ZNF761: variants seen among roughly 807,000 people sequenced by gnomAD.
ZNF761 encodes zinc finger protein 761.
A neutral mutation model predicts 59.9 loss-of-function variants in ZNF761; 43 were observed. That is an observed-to-expected ratio of 0.72 (90% CI 0.56 to 0.92). ZNF761 has a LOEUF of 0.92. Ranked by LOEUF, ZNF761 falls within the 40% of genes least tolerant of loss-of-function variation. The probability of loss-of-function intolerance (pLI) is 0.00; values close to 1 mark genes in which losing one functional copy is unlikely to be tolerated. For synonymous variants in ZNF761, 294 were observed against 304.8 expected, an observed-to-expected ratio of 0.96 and a Z score of 0.37; for missense variants, 850 against 906.1, an observed-to-expected ratio of 0.94 and a Z score of 0.79.
intron 4 of ZNF761, among the ~76,000 whole-genome samples, chr19:53,453,164 G>A (rs1383520059): frequency 6.6e-6 from 1 of 151,994 alleles, no homozygotes; most frequent in East Asian, 1.9e-4. Flanking sequence ...ACCACGACCA[G>A]CTAATTTTTT....
At chr19:53,432,814 AG>A (rs2147116276) in intron 1 of ZNF761, among the ~76,000 whole-genome samples, 1 of 152,240 alleles carries the variant, frequency 6.6e-6, no homozygotes, top group African/African-American at 2.4e-5. Context: ...AGAAAGCAGG[AG>A]GAGAAAAGCA....
chr19:53,437,226 A>G (rs2086052256), intron 1 of ZNF761, among the ~76,000 whole-genome samples: 3 of 152,036 alleles, frequency 2.0e-5, no homozygotes, highest in Admixed American at 1.3e-4. Flanking sequence ...GCTGAAGCAA[A>G]AGAAACACTT....
intron 1 of ZNF761, among the ~76,000 whole-genome samples, chr19:53,438,526 T>G (rs971869037): frequency 2.6e-5 from 4 of 152,220 alleles, no homozygotes; most frequent in African/African-American, 9.6e-5. Context: ...TAAAGCTTCC[T>G]TGATCTGTTT....
At chr19:53,432,464 C>T (rs1355129496) in intron 1 of ZNF761, among the ~76,000 whole-genome samples, 1 of 152,162 alleles carries the variant, frequency 6.6e-6, no homozygotes, top group Non-Finnish European at 1.5e-5. Flanking sequence ...CGCCCCTTCA[C>T]CTCCCTCCTT....
At chr19:53,435,838 G>A (rs562500404) in intron 1 of ZNF761, among the ~76,000 whole-genome samples, 2 of 152,166 alleles carry the variant, frequency 1.3e-5, no homozygotes, top group African/African-American at 4.8e-5. Context: ...TGAGCACAAC[G>A]ACAGAACAAT....
rs565994289 is a variant in ZNF761, at chr19:53,455,514, G to T, written c.1007G>T (p.Arg336Met). ...YKCNECGKTF[R>M]QKSILTRHHR... is the part of the protein sequence containing the mutation. ...TGTAATGAGTGTGGCAAGACCTTTA[G>T]GCAGAAGTCAATCCTTACACGCCAT... The change falls in exon 5 of 5, where the codon AGG becomes ATG. Residue 336 changes from arginine to methionine, a missense_variant. Arg to Met is a moderately conservative substitution (Grantham distance 91). Coordinates refer to ENST00000684525, the MANE Select transcript of ZNF761 (RefSeq NM_001289951.2). 4 of 1,612,368 alleles carry T rather than the reference G, an allele frequency of 2.5e-6. No individual in the cohort carries two copies. In the African/African-American group the frequency reaches 4.0e-5, roughly 16 times the overall value.
chr19:53,438,916 C>T (rs1404821721), intron 1 of ZNF761, among the ~76,000 whole-genome samples: 2 of 152,206 alleles, frequency 1.3e-5, no homozygotes, highest in Non-Finnish European at 1.5e-5. Flanking sequence ...TGTACTGCAA[C>T]AAGGCACAGT....
intron 3 of ZNF761, among the ~76,000 whole-genome samples, chr19:53,448,158 C>T (rs1331732779): frequency 5.9e-5 from 9 of 151,996 alleles, no homozygotes; most frequent in African/African-American, 1.5e-4. Flanking sequence ...TGCGTCACCA[C>T]GCCCAGCTAA....
chr19:53,439,647 G>A (rs1263756481), intron 1 of ZNF761, among the ~76,000 whole-genome samples: 1 of 152,148 alleles, frequency 6.6e-6, no homozygotes, highest in Non-Finnish European at 1.5e-5. Flanking sequence ...TATACGGGTT[G>A]GGTACCACTG....
At chr19:53,443,429 T>C (rs1158813979) in intron 1 of ZNF761, 1 of 152,428 alleles carries the variant, frequency 6.6e-6, no homozygotes, top group African/African-American at 2.4e-5. Context: ...TAAGAATGCA[T>C]AAGGTGGGTC....
rs377588768 is a variant in ZNF761 at position 53,456,230 on chromosome 19, G to A, written c.1723G>A (p.Glu575Lys). ...LKRHRRLHSG[E>K]NPYKCEDSDK... ...ACGCCATCGTAGACTTCATAGTGGA[G>A]AGAACCCTTACAAATGTGAAGATAG... is the stretch of plus-strand genomic sequence containing the variant. Residue 575 changes from glutamate (E) to lysine (K), a missense_variant, in exon 5 of 5, where the codon GAG becomes AAG. By Grantham distance (56) the Glu-to-Lys change is moderately conservative. Coordinates refer to ENST00000684525, the MANE Select transcript of ZNF761 (RefSeq NM_001289951.2). The A allele has an allele frequency of 1.9e-6, 3 of 1,613,870 alleles. No homozygotes were observed. The highest frequency in any genetic ancestry group is 2.7e-5 in the African/African-American group (2 of 74,870).
At chr19:53,447,347 T>C in intron 3 of ZNF761, 64 bp downstream of exon 3, 1 of 1,596,956 alleles carries the variant, frequency 6.3e-7, no homozygotes, top group Non-Finnish European at 8.6e-7. Flanking sequence ...GGCCTTGGAG[T>C]TGGGAATCTT....
At chr19:53,439,370 G>A (rs1267340862) in intron 1 of ZNF761, among the ~76,000 whole-genome samples, 1 of 151,910 alleles carries the variant, frequency 6.6e-6, no homozygotes, top group Non-Finnish European at 1.5e-5. Flanking sequence ...CACTGGCGTG[G>A]TCTCGGCTCA....
chr19:53,435,641 CATA>C (rs2086033668), intron 1 of ZNF761, among the ~76,000 whole-genome samples: 1 of 151,964 alleles, frequency 6.6e-6, no homozygotes, highest in East Asian at 1.9e-4. Context: ...CTTGTACACT[CATA>C]ATAAGTATGG....
At chr19:53,433,461 C>CAGCGTTATCTTGTAACTGTTCTCT (rs1482125258) in intron 1 of ZNF761, among the ~76,000 whole-genome samples, 78,500 of 141,250 alleles carry the variant, frequency 0.56, 23,085 homozygotes, top group African/African-American at 0.73. Context: ...TCGACTTCGC[C>CAGCGTTATCTTGTAACTGTTCTCT]AAGTCGAGCT....
rs565915546 is a variant in ZNF761 at position 53,446,037 on chromosome 19, C to G, written c.-184-190C>G. Among the ~76,000 whole-genome samples, 24 of 152,302 alleles carry G rather than the reference C, an allele frequency of 1.6e-4. No homozygotes were observed. In the East Asian group the frequency reaches 4.1e-3, roughly 26 times the overall value. On this transcript the variant is annotated intron_variant, in intron 1 of 4. Coordinates refer to ENST00000684525, the MANE Select transcript of ZNF761 (RefSeq NM_001289951.2). Reference sequence around the variant, plus strand: ...CCTGTCTCAGGTTGCTGTCCCTGCTCTTACCCTATGTCCCTAAATGATCAC... The same window carrying G: ...CCTGTCTCAGGTTGCTGTCCCTGCTGTTACCCTATGTCCCTAAATGATCAC...
At chr19:53,442,329 A>C in intron 1 of ZNF761, 1 of 1,161,420 alleles carries the variant, frequency 8.6e-7, no homozygotes, top group East Asian at 2.3e-5. Context: ...TTGCTGAGAG[A>C]TGGATGAGCA....
chr19:53,449,439 C>T, intron 3 of ZNF761, 73 bp from the exon 4 acceptor site: 1 of 1,600,374 alleles, frequency 6.2e-7, no homozygotes, highest in South Asian at 1.1e-5. Flanking sequence ...GCCTTCACCT[C>T]TCTTCTTCTC....
In ZNF761 at chr19:53,457,410, CAT is replaced by C. The variant is rs1485863493; in HGVS notation, c.*663_*664del. ...GAATTCATACAGGAGAGAAACCTCACATGTGTGATGATAGTGGCAAAGCCTTC... is the reference window on the plus strand; with the variant it reads ...GAATTCATACAGGAGAGAAACCTCACGTGTGATGATAGTGGCAAAGCCTTC... On this transcript the variant is annotated 3_prime_UTR_variant, in exon 5 of 5. Transcript: ENST00000684525. 45 of 402,486 alleles carry C rather than the reference CAT, an allele frequency of 1.1e-4. No homozygotes were observed. Among genetic ancestry groups the C allele is most frequent in the South Asian group, 7.0e-4 (36 of 51,086 alleles). The allele number at this position is 402,486 out of a possible 1,614,324, so 24.9% of individuals were successfully genotyped here.
Sources: allele counts gnomAD v4.1 joint callset (sites outside exome capture counted in the v4.1 genomes callset), GRCh38; gene constraint gnomAD v4.1.1; transcripts MANE v1.5; gene names NCBI Gene and HGNC (gene_info 2026-07-23, HGNC 2026-07-21).